The following CFAP221 variants were observed in gnomAD, a reference collection of about 807,000 sequenced individuals.
CFAP221 encodes the protein cilia and flagella associated protein 221, also known as cilia- and flagella-associated protein 221.
Under a neutral mutation model 113.1 loss-of-function variants are expected in CFAP221, and 97 were observed. That is an observed-to-expected ratio of 0.86 (90% CI 0.73 to 1.02). The LOEUF is 1.02. CFAP221 is among the 50% of genes least tolerant of loss of function. The probability of loss-of-function intolerance (pLI) is 0.00; values close to 1 mark genes in which losing one functional copy is unlikely to be tolerated. For synonymous variants in CFAP221, 331 were observed against 354.4 expected, an observed-to-expected ratio of 0.93 and a Z score of 0.74; for missense variants, 1,025 against 1,013.4, an observed-to-expected ratio of 1.01 and a Z score of -0.16.
chr2:119,645,384 T>A (rs1033318112), intron 21 of CFAP221, among the ~76,000 whole-genome samples: 16 of 151,974 alleles, frequency 1.1e-4, no homozygotes, highest in African/African-American at 3.6e-4. Flanking sequence ...TTCTAATGTA[T>A]CCTTCCTGTG....
At chr2:119,567,231 A>G (rs1392852725) in intron 6 of CFAP221, among the ~76,000 whole-genome samples, 1 of 150,764 alleles carries the variant, frequency 6.6e-6, no homozygotes, top group Non-Finnish European at 1.5e-5. Flanking sequence ...GTAGTATCAT[A>G]CAGAGTATTT....
In CFAP221 at chr2:119,591,366, C is replaced by A. The variant is rs138066654; in HGVS notation, c.631+4144C>A. ...ACTGAAGAAGTCAGGAAAAGCTGGA[C>A]AGACAGGTGGCAATTTTCTGTCACA... On this transcript the variant is annotated intron_variant, in intron 7 of 23. Coordinates refer to ENST00000413369, the MANE Select transcript of CFAP221 (RefSeq NM_001271049.2). Among the ~76,000 whole-genome samples, 153 of 151,632 alleles carry A rather than the reference C, an allele frequency of 1.0e-3. 2 individuals carry two copies. The East Asian group carries it at 0.027, about 27-fold the overall frequency.
At chr2:119,565,685 T>C (rs2587706) in intron 6 of CFAP221, among the ~76,000 whole-genome samples, 88,594 of 152,102 alleles carry the variant, frequency 0.58, 26,415 homozygotes, top group East Asian at 0.74. Context: ...AAGATAAGCA[T>C]GCTACTGTTT....
intron 14 of CFAP221, among the ~76,000 whole-genome samples, chr2:119,623,412 A>G (rs1387537823): frequency 6.6e-6 from 1 of 152,258 alleles, no homozygotes; most frequent in Non-Finnish European, 1.5e-5. Context: ...GGATAGGAAG[A>G]ATCAATATTG....
chr2:119,630,849 A>T lies in CFAP221; in HGVS notation c.1922A>T (p.Lys641Ile). Residue 641 changes from lysine to isoleucine, a missense_variant, in exon 19 of 24, where the codon AAA (lysine) becomes ATA (isoleucine). Transcript: ENST00000413369. ...GGCAAAACATCAGTCTTGAGCATGA[A>T]ACCACCTGAGGCCTTAGCCATGTCT... Reference protein sequence around the residue: ...LSGKTSVLSMKPPEALAMSLD... With the variant: ...LSGKTSVLSMIPPEALAMSLD... 6.2e-7 allele frequency: 1 copy of T among 1,613,786 alleles called. No homozygotes were observed. Among genetic ancestry groups the T allele is most frequent in the Non-Finnish European group, 8.5e-7 (1 of 1,179,648 alleles).
intron 6 of CFAP221, among the ~76,000 whole-genome samples, chr2:119,577,234 C>T (rs1246517987): frequency 2.0e-5 from 3 of 152,296 alleles, no homozygotes; most frequent in East Asian, 1.9e-4. Flanking sequence ...ACACTAATCC[C>T]ATCAGAGGGT....
Position 119,630,701 on chromosome 2 carries a change from A to T in CFAP221, c.1839+24A>T, listed in dbSNP as rs201915452. 9 of 1,594,158 alleles carry T rather than the reference A, an allele frequency of 5.6e-6. No homozygotes were observed. The East Asian group carries it at 1.8e-4, about 32-fold the overall frequency. On this transcript the variant is annotated intron_variant, in intron 18 of 23. Coordinates refer to ENST00000413369, the MANE Select transcript of CFAP221 (RefSeq NM_001271049.2). ...AGGTAACACACCCCCATCTTCCAGA[A>T]TCTCTCTCATCTTTTCCCTCTTATC...
chr2:119,608,543 A>G lies in CFAP221; in HGVS notation c.1175A>G (p.Lys392Arg), dbSNP rs1168681390. The G allele has an allele frequency of 6.2e-7, 1 of 1,613,738 alleles. No individual in the cohort carries two copies. The highest frequency in any genetic ancestry group is 1.7e-5 in the Admixed American group (1 of 59,972). Residue 392 changes from lysine to arginine, a missense_variant, in exon 12 of 24, where the codon AAA becomes AGA. Physicochemically the swap from Lys to Arg is conservative, Grantham distance 26 (BLOSUM62 2). Transcript: ENST00000413369. ...LGKDPMSFKL[K>R]KELTEEWQKA... ...AAAGATCCTATGTCTTTTAAACTTA[A>G]AAAAGAGCTTACTGAAGAGTGGCAA...
chr2:119,610,907 T>G (rs1162397333), intron 12 of CFAP221, among the ~76,000 whole-genome samples: 2 of 152,082 alleles, frequency 1.3e-5, no homozygotes, highest in African/African-American at 4.8e-5. Context: ...CAGACACATA[T>G]AGACACTGAA....
downstream of CFAP221, among the ~76,000 whole-genome samples, chr2:119,658,570 T>C (rs1407547634): frequency 2.0e-5 from 3 of 152,040 alleles, no homozygotes. Context: ...GCCCTCTCAG[T>C]GGCCAGAGCT....
Position 119,627,805 on chromosome 2 carries a change from G to A in CFAP221, c.1650+19G>A, listed in dbSNP as rs750984208. 1 of 1,612,714 alleles carries A rather than the reference G, an allele frequency of 6.2e-7. No homozygotes were observed. The highest frequency in any genetic ancestry group is 8.5e-7 in the Non-Finnish European group (1 of 1,179,338). On this transcript the variant is annotated intron_variant, in intron 16 of 23. Transcript: ENST00000413369. Reference sequence around the variant, plus strand: ...CGAGTTGGTAGGTGCCGTCAGGCTTGGGGGCGGGGAGTGGACATGATCATG... The same window carrying A: ...CGAGTTGGTAGGTGCCGTCAGGCTTAGGGGCGGGGAGTGGACATGATCATG...
At chr2:119,626,495 C>T (rs1686315144) in intron 15 of CFAP221, among the ~76,000 whole-genome samples, 1 of 151,898 alleles carries the variant, frequency 6.6e-6, no homozygotes, top group African/African-American at 2.4e-5. Context: ...GTTTTGTGCC[C>T]TCTGCTTCTT....
intron 23 of CFAP221, among the ~76,000 whole-genome samples, chr2:119,653,659 GTTTTC>G (rs968280159): frequency 5.3e-5 from 8 of 152,084 alleles, no homozygotes; most frequent in African/African-American, 1.9e-4. Context: ...TTATCAGACT[GTTTTC>G]TTAGGATAAA....
At position 119,605,193 on chromosome 2, in the gene CFAP221, G is replaced by A. The variant is rs1316465570; in HGVS notation, c.1037G>A (p.Gly346Asp). The A allele has an allele frequency of 1.9e-6, 3 of 1,613,930 alleles. No individual in the cohort carries two copies. The highest frequency in any genetic ancestry group is 1.7e-6 in the Non-Finnish European group (2 of 1,179,792). The change falls in exon 11 of 24, where the codon GGC (glycine) becomes GAC (aspartate). Residue 346 changes from glycine (G) to aspartate (D), a missense_variant. Transcript: ENST00000413369. ...IKELREVLDQ[G>D]TEISKTRQMK... The stretch of plus-strand genomic sequence containing the variant: ...CTCCTGCCTTCAGTTTTGGACCAGG[G>A]CACTGAAATTTCAAAAACGAGACAG...
chr2:119,561,875 T>C, intron 5 of CFAP221, 139 bp from the exon 6 acceptor site: 1 of 653,060 alleles, frequency 1.5e-6, no homozygotes, highest in Non-Finnish European at 2.6e-6. Context: ...GTATGTCTAA[T>C]GTTGTAGTTA....
chr2:119,629,048 T>G lies in CFAP221; in HGVS notation c.1651-827T>G, dbSNP rs1189074985. ...TTCCTGTCTATAAAAAAGAATGAAT[T>G]AATTTATTTTATAAATACTGTATTT... On this transcript the variant is annotated intron_variant, in intron 16 of 23. Transcript: ENST00000413369. 2.6e-5 allele frequency among the ~76,000 whole-genome samples: 4 copies of G among 152,376 alleles called. No homozygotes were observed. The East Asian group carries it at 5.8e-4, about 22-fold the overall frequency.
rs1454073961 is a variant in CFAP221 at position 119,563,077 on chromosome 2, C to T, written c.527+963C>T. Among the ~76,000 whole-genome samples, 3 of 152,074 alleles carry T rather than the reference C, an allele frequency of 2.0e-5. No individual in the cohort carries two copies. In the East Asian group the frequency reaches 5.8e-4, roughly 29 times the overall value. On this transcript the variant is annotated intron_variant, in intron 6 of 23. Transcript: ENST00000413369. ...GCTGAGGCAGGAGGATTGCTAGAGC[C>T]GAGGAGTTTGAGGCTGCAATGGGCT...
rs1681084796 is a variant in CFAP221 at position 119,559,715 on chromosome 2, C to T, written c.267C>T (p.Asp89=). 4 of 1,531,818 alleles carry T rather than the reference C, an allele frequency of 2.6e-6. No homozygotes were observed. The highest frequency in any genetic ancestry group is 4.9e-5 in the East Asian group (2 of 40,890). The allele number at this position is 1,531,818 out of a possible 1,614,324, so 94.9% of individuals were successfully genotyped here. ...ILHLVNVSNE[D]TRVHILPPQT... Reference sequence around the variant, plus strand: ...ATCTGGTCAATGTTTCCAATGAAGACACACGTGTTCATATTTTACCCCCGC... The same window carrying T: ...ATCTGGTCAATGTTTCCAATGAAGATACACGTGTTCATATTTTACCCCCGC... Residue 89 remains aspartate, a synonymous_variant, in exon 4 of 24, where the codon GAC becomes GAT. Coordinates refer to ENST00000413369, the MANE Select transcript of CFAP221 (RefSeq NM_001271049.2).
At position 119,627,798 on chromosome 2, in the gene CFAP221, C is replaced by G. The variant is rs376188907; in HGVS notation, c.1650+12C>G. On this transcript the variant is annotated intron_variant, in intron 16 of 23. Transcript: ENST00000413369. The stretch of plus-strand genomic sequence containing the variant: ...ACTCCAACGAGTTGGTAGGTGCCGT[C>G]AGGCTTGGGGGCGGGGAGTGGACAT... The G allele has an allele frequency of 5.1e-5, 83 of 1,613,202 alleles. No homozygotes were observed. In the African/African-American group the frequency reaches 1.1e-3, roughly 20 times the overall value.
Sources: allele counts gnomAD v4.1 joint callset (sites outside exome capture counted in the v4.1 genomes callset), GRCh38; gene constraint gnomAD v4.1.1; transcripts MANE v1.5; gene names NCBI Gene and HGNC (gene_info 2026-07-23, HGNC 2026-07-21).